RBFOX1: variants seen among roughly 807,000 people sequenced by gnomAD.
RBFOX1 encodes the protein RNA binding fox-1 homolog 1.
Under a neutral mutation model 57.7 loss-of-function variants are expected in RBFOX1, and 8 were observed. The ratio of observed to expected loss-of-function variants is 0.14; its 90% CI spans 0.08 to 0.25. RBFOX1 has a LOEUF of 0.25. Among genes scored for constraint, RBFOX1 ranks in the 10% least tolerant of loss-of-function variants. The probability of loss-of-function intolerance (pLI) is 1.00; values close to 1 mark genes in which losing one functional copy is unlikely to be tolerated. For missense variants in RBFOX1, 611 were observed against 548.5 expected, an observed-to-expected ratio of 1.11 and a Z score of -1.14; for synonymous variants, 326 against 222.4, an observed-to-expected ratio of 1.47 and a Z score of -4.15.
intron 2 of RBFOX1, among the ~76,000 whole-genome samples, chr16:6,433,060 G>C (rs983854965): frequency 3.3e-5 from 5 of 152,192 alleles, no homozygotes; most frequent in East Asian, 1.9e-4. Context: ...CCTTCGGGCT[G>C]TTGATTTGGG....
rs534481009 is a variant in RBFOX1 at position 6,408,961 on chromosome 16, G to A, written c.-64+91904G>A. On this transcript the variant is annotated intron_variant, in intron 2 of 15. Coordinates refer to ENST00000550418, the MANE Select transcript of RBFOX1 (RefSeq NM_018723.4). ...TTGGTGTCGTTTTACCACCCCTTCT[G>A]TGATCTCCCTGAAGGTAGAAAACTT... Among the ~76,000 whole-genome samples, 3 of 152,128 alleles carry A rather than the reference G, an allele frequency of 2.0e-5. No individual in the cohort carries two copies. In the South Asian group the frequency reaches 6.2e-4, roughly 32 times the overall value.
intron 4 of RBFOX1, among the ~76,000 whole-genome samples, chr16:7,232,645 C>T (rs866208646): frequency 6.4e-4 from 98 of 152,182 alleles, no homozygotes; most frequent in African/African-American, 2.0e-3. Context: ...AGTTCGAGAA[C>T]AGCCTGACCA....
At chr16:5,478,028 G>C (rs1032530103) in intron 2 of RBFOX1, among the ~76,000 whole-genome samples, 2 of 151,928 alleles carry the variant, frequency 1.3e-5, no homozygotes, top group African/African-American at 4.8e-5. Flanking sequence ...AGCTCAGTAG[G>C]GAGGGATCAG....
intron 4 of RBFOX1, among the ~76,000 whole-genome samples, chr16:7,094,195 G>A (rs2061323994): frequency 6.6e-6 from 1 of 151,886 alleles, no homozygotes; most frequent in South Asian, 2.1e-4. Flanking sequence ...GGGTTTGAAA[G>A]ACATAAGCAA....
At chr16:7,270,326 C>G (rs536094252) in intron 4 of RBFOX1, among the ~76,000 whole-genome samples, 7 of 152,236 alleles carry the variant, frequency 4.6e-5, no homozygotes, top group Non-Finnish European at 7.4e-5. Flanking sequence ...TATGAAAAAC[C>G]AAACAGAATT....
At chr16:7,569,433 T>A (rs1175814306) in intron 5 of RBFOX1, among the ~76,000 whole-genome samples, 2 of 152,080 alleles carry the variant, frequency 1.3e-5, no homozygotes, top group African/African-American at 4.8e-5. Flanking sequence ...GTGGGTTGAG[T>A]TTTTCTCACG....
intron 14 of RBFOX1, among the ~76,000 whole-genome samples, chr16:7,705,478 CTTA>C (rs1568582981): frequency 6.6e-6 from 1 of 152,142 alleles, no homozygotes; most frequent in Non-Finnish European, 1.5e-5. Context: ...GCACTCCAGC[CTTA>C]GCAACAGAGC....
At chr16:7,575,102 C>G (rs2093198623) in intron 5 of RBFOX1, among the ~76,000 whole-genome samples, 1 of 152,044 alleles carries the variant, frequency 6.6e-6, no homozygotes, top group Non-Finnish European at 1.5e-5. Flanking sequence ...AGGATCAACA[C>G]AAAATCCTCC....
At chr16:6,798,188 T>C (rs1769846464) in intron 3 of RBFOX1, among the ~76,000 whole-genome samples, 1 of 152,178 alleles carries the variant, frequency 6.6e-6, no homozygotes. Flanking sequence ...TCTTCTCTGG[T>C]CGTGTCCCTA....
chr16:7,073,792 G>C (rs535979865), intron 4 of RBFOX1, among the ~76,000 whole-genome samples: 1 of 152,138 alleles, frequency 6.6e-6, no homozygotes, highest in Admixed American at 6.5e-5. Context: ...GAGCCCAAGA[G>C]GTCAGAGTGA....
intron 3 of RBFOX1, among the ~76,000 whole-genome samples, chr16:6,671,710 C>A (rs560978773): frequency 1.3e-5 from 2 of 152,140 alleles, no homozygotes; most frequent in African/African-American, 2.4e-5. Flanking sequence ...TGAGGACATA[C>A]GATGTTTGGT....
rs34341448 is a variant in RBFOX1, at chr16:6,864,995, C to CTTTTTT, written c.-15-187043_-15-187038dup. Among the ~76,000 whole-genome samples, 442 of 82,370 alleles carry CTTTTTT rather than the reference C, an allele frequency of 5.4e-3. 1 individual carries two copies. The highest frequency in any genetic ancestry group is 8.6e-3 in the Middle Eastern group (1 of 116). 54.0% of individuals were successfully genotyped at this position (82,370 alleles called of 152,430 possible). A position where few individuals can be genotyped will look rare whatever the true frequency, so the allele number is the denominator to read the frequency against. On this transcript the variant is annotated intron_variant, in intron 3 of 15. Coordinates refer to ENST00000550418, the MANE Select transcript of RBFOX1 (RefSeq NM_018723.4). ...AATGTTGGAGTGGGTTTTTCTTTTT[C>CTTTTTT]TTTTTTTTTTTTTTTTTTTTTTTTG... is the stretch of plus-strand genomic sequence containing the variant.
chr16:7,093,612 C>T (rs1162533517), intron 4 of RBFOX1, among the ~76,000 whole-genome samples: 1 of 152,098 alleles, frequency 6.6e-6, no homozygotes, highest in Non-Finnish European at 1.5e-5. Flanking sequence ...CTGGATGGAT[C>T]GAAAGTTAAT....
At chr16:6,258,834 A>G (rs2097684590) in intron 1 of RBFOX1, among the ~76,000 whole-genome samples, 1 of 152,200 alleles carries the variant, frequency 6.6e-6, no homozygotes, top group Admixed American at 6.5e-5. Context: ...CGTGATTATT[A>G]TTCATTTCAT....
chr16:7,187,132 G>A (rs1304449617), intron 4 of RBFOX1, among the ~76,000 whole-genome samples: 6 of 151,984 alleles, frequency 3.9e-5, no homozygotes, highest in African/African-American at 1.4e-4. Flanking sequence ...TGGTGCCACT[G>A]CACTCCAGCT....
intron 4 of RBFOX1, among the ~76,000 whole-genome samples, chr16:7,316,989 C>CACACACACAA (rs1555702585): frequency 6.6e-6 from 1 of 151,538 alleles, no homozygotes; most frequent in Non-Finnish European, 1.5e-5. Context: ...CACACACAAA[C>CACACACACAA]ACACACACAC....
rs919708630 is a variant in RBFOX1, at chr16:6,027,638, G to A, written c.-127+7646G>A. On this transcript the variant is annotated intron_variant, in intron 1 of 15. Transcript: ENST00000550418. ...GCCTGGCACCTAGTGTGTGTTTAGT[G>A]CAAGTAGGAGTCATAGGGCTGACTA... 8.5e-5 allele frequency among the ~76,000 whole-genome samples: 13 copies of A among 152,296 alleles called. No individual in the cohort carries two copies. In the East Asian group the frequency reaches 2.5e-3, roughly 29 times the overall value.
chr16:7,603,361 T>A (rs1297255958), intron 9 of RBFOX1, among the ~76,000 whole-genome samples: 1 of 152,234 alleles, frequency 6.6e-6, no homozygotes, highest in East Asian at 1.9e-4. Flanking sequence ...GAGATTCATG[T>A]TGGACAGCAG....
At chr16:6,910,927 G>T (rs1344137515) in intron 3 of RBFOX1, among the ~76,000 whole-genome samples, 1 of 152,104 alleles carries the variant, frequency 6.6e-6, no homozygotes, top group African/African-American at 2.4e-5. Flanking sequence ...AGGGTCAGGT[G>T]CAGAGGCTCA....
Sources: gnomAD v4.1 joint callset for allele counts (sites outside exome capture counted in the v4.1 genomes callset) on GRCh38, gnomAD v4.1.1 for gene constraint, MANE v1.5 for transcripts, NCBI Gene and HGNC (gene_info 2026-07-23, HGNC 2026-07-21) for gene names.